MARCHF5: variants seen among roughly 807,000 people sequenced by gnomAD.
MARCHF5 encodes E3 ubiquitin-protein ligase MARCHF5.
A neutral mutation model predicts 36.5 loss-of-function variants in MARCHF5; 5 were observed. The ratio of observed to expected loss-of-function variants is 0.14; its 90% CI spans 0.07 to 0.29. The LOEUF (loss-of-function observed/expected upper bound fraction) is 0.29. Among genes scored for constraint, MARCHF5 ranks in the 10% least tolerant of loss-of-function variants. The probability of loss-of-function intolerance (pLI) is 1.00; values close to 1 mark genes in which losing one functional copy is unlikely to be tolerated. For missense variants in MARCHF5, 179 were observed against 336.3 expected (o/e 0.53, Z 3.66); for synonymous variants, 103 against 109.9 (o/e 0.94, Z 0.39).
At chr10:92,298,006 T>G (rs1842967919) in intron 1 of MARCHF5, among the ~76,000 whole-genome samples, 1 of 152,094 alleles carries the variant, frequency 6.6e-6, no homozygotes, top group Non-Finnish European at 1.5e-5. Context: ...AAGACCAGCC[T>G]GGCCAACATG....
intron 2 of MARCHF5, among the ~76,000 whole-genome samples, chr10:92,333,990 G>A (rs1843471011): frequency 6.6e-6 from 1 of 152,126 alleles, no homozygotes; most frequent in Non-Finnish European, 1.5e-5. Context: ...AGAAGTTCTA[G>A]ACCAGCCTGG....
At chr10:92,318,812 T>C (rs1234179736) in intron 2 of MARCHF5, among the ~76,000 whole-genome samples, 1 of 151,968 alleles carries the variant, frequency 6.6e-6, no homozygotes, top group African/African-American at 2.4e-5. Context: ...GTACACGTGA[T>C]TCTCCTGCCT....
intron 2 of MARCHF5, among the ~76,000 whole-genome samples, chr10:92,326,483 C>G (rs959221529): frequency 6.6e-6 from 1 of 151,956 alleles, no homozygotes; most frequent in Admixed American, 6.6e-5. Flanking sequence ...AGCTAATAGG[C>G]CACATATGGA....
intron 3 of MARCHF5, among the ~76,000 whole-genome samples, chr10:92,348,601 G>A (rs145627565): frequency 7.2e-5 from 11 of 151,802 alleles, no homozygotes; most frequent in East Asian, 1.9e-4. Context: ...TGTATTTCTC[G>A]CCTTCTGGGA....
At chr10:92,334,478 A>G (rs1472043374) in intron 2 of MARCHF5, 1 of 152,468 alleles carries the variant, frequency 6.6e-6, no homozygotes, top group Admixed American at 6.5e-5. Flanking sequence ...GTCCAAGTGC[A>G]TTGGTATTTA....
intron 2 of MARCHF5, among the ~76,000 whole-genome samples, chr10:92,339,605 G>T (rs1843550910): frequency 6.6e-6 from 1 of 152,162 alleles, no homozygotes; most frequent in African/African-American, 2.4e-5. Context: ...AAGAGGCGGA[G>T]GTTGCAGTGA....
intron 1 of MARCHF5, among the ~76,000 whole-genome samples, chr10:92,302,790 A>C (rs555207794): frequency 6.6e-6 from 1 of 152,192 alleles, no homozygotes; most frequent in East Asian, 1.9e-4. Flanking sequence ...CCTTACATTA[A>C]CCACAGTATG....
At chr10:92,302,356 TA>T (rs1391711565) in intron 1 of MARCHF5, among the ~76,000 whole-genome samples, 1 of 152,220 alleles carries the variant, frequency 6.6e-6, no homozygotes, top group Non-Finnish European at 1.5e-5. Context: ...GTCTCCCTAA[TA>T]GTGTGCTTTC....
chr10:92,337,290 C>T (rs1419609025), intron 2 of MARCHF5, among the ~76,000 whole-genome samples: 2 of 151,806 alleles, frequency 1.3e-5, no homozygotes, highest in African/African-American at 4.8e-5. Context: ...CTGAGGTGGG[C>T]GGATCACCTG....
chr10:92,294,069 C>T (rs552559745), intron 1 of MARCHF5, among the ~76,000 whole-genome samples: 1 of 152,096 alleles, frequency 6.6e-6, no homozygotes, highest in Non-Finnish European at 1.5e-5. Context: ...TCAAAAATTT[C>T]TGTAGGGTAG....
intron 2 of MARCHF5, among the ~76,000 whole-genome samples, chr10:92,318,356 G>A (rs1456128900): frequency 6.6e-6 from 1 of 151,680 alleles, no homozygotes; most frequent in African/African-American, 2.4e-5. Context: ...AACCCGAGAG[G>A]CGGAGGTTTC....
In MARCHF5 at chr10:92,291,515, G is replaced by C; in HGVS notation, c.21G>C (p.Gln7His). 6.5e-7 allele frequency: 1 copy of C among 1,547,424 alleles called. No homozygotes were observed. Among genetic ancestry groups the C allele is most frequent in the East Asian group, 2.5e-5 (1 of 40,488 alleles). Residue 7 changes from glutamine (Q) to histidine (H), a missense_variant, in exon 1 of 6, where the codon CAG becomes CAC. By Grantham distance (24) the Gln-to-His change is conservative. Around this residue, in one of 3 missense-constraint regions of MARCHF5, gnomAD observed 18 missense variants for 16.3 expected, o/e 1.11. Transcript: ENST00000358935. ...GGAAGATGCCGGACCAAGCCCTACAGCAGATGCTGGACAGGTACGGGCAGC... is the reference window on the plus strand; with the variant it reads ...GGAAGATGCCGGACCAAGCCCTACACCAGATGCTGGACAGGTACGGGCAGC... MPDQAL[Q>H]QMLDRSCWVC...
chr10:92,307,475 C>T (rs1843089668), intron 1 of MARCHF5, among the ~76,000 whole-genome samples: 1 of 151,874 alleles, frequency 6.6e-6, no homozygotes, highest in Non-Finnish European at 1.5e-5. Context: ...GGCTCACGCC[C>T]AAAACTTTGG....
chr10:92,337,959 A>G (rs1590664919), intron 2 of MARCHF5, among the ~76,000 whole-genome samples: 1 of 151,532 alleles, frequency 6.6e-6, no homozygotes, highest in Non-Finnish European at 1.5e-5. Flanking sequence ...GGATTGCTTG[A>G]GCCTAGGAGT....
intron 3 of MARCHF5, among the ~76,000 whole-genome samples, chr10:92,348,492 A>G (rs1843682764): frequency 6.6e-6 from 1 of 152,138 alleles, no homozygotes; most frequent in South Asian, 2.1e-4. Context: ...CCATCTCAAA[A>G]ACAACAACAA....
At chr10:92,307,020 G>C (rs1411045563) in intron 1 of MARCHF5, among the ~76,000 whole-genome samples, 4 of 151,986 alleles carry the variant, frequency 2.6e-5, no homozygotes, top group African/African-American at 9.7e-5. Context: ...TCTCAAAAAA[G>C]GGCAGGGGAG....
At chr10:92,338,609 G>A (rs1843534470) in intron 2 of MARCHF5, among the ~76,000 whole-genome samples, 1 of 152,128 alleles carries the variant, frequency 6.6e-6, no homozygotes, top group African/African-American at 2.4e-5. Flanking sequence ...ATAAATGACA[G>A]TCCTTTGACA....
At chr10:92,306,768 C>T (rs995954695) in intron 1 of MARCHF5, among the ~76,000 whole-genome samples, 1 of 152,028 alleles carries the variant, frequency 6.6e-6, no homozygotes, top group Non-Finnish European at 1.5e-5. Context: ...AATCTCAGCA[C>T]TTTGGGAGGC....
rs1246657738 is a variant in MARCHF5 at position 92,351,319 on chromosome 10, T to G, written c.*112T>G. On this transcript the variant is annotated 3_prime_UTR_variant, in exon 6 of 6. Transcript: ENST00000358935. ...CTTGTGATAAGCTGCTGCTCCTATATTTTTTAAGAAATATAATAAAGCACT... is the reference window on the plus strand; with the variant it reads ...CTTGTGATAAGCTGCTGCTCCTATAGTTTTTAAGAAATATAATAAAGCACT... 1.5e-6 allele frequency: 1 copy of G among 647,650 alleles called. No individual in the cohort carries two copies. The highest frequency in any genetic ancestry group is 1.9e-5 in the African/African-American group (1 of 53,204). 40.1% of individuals were successfully genotyped at this position (647,650 alleles called of 1,614,324 possible). A position where few individuals can be genotyped will look rare whatever the true frequency, so the allele number is the denominator to read the frequency against.
Sources: allele counts gnomAD v4.1 joint callset (sites outside exome capture counted in the v4.1 genomes callset), GRCh38; gene constraint gnomAD v4.1.1; regional missense constraint gnomAD v4.1.1; transcripts MANE v1.5; gene names NCBI Gene and HGNC (gene_info 2026-07-23, HGNC 2026-07-21).